The following DPH6 variants were observed in gnomAD, a reference collection of about 807,000 sequenced individuals.
The protein encoded by DPH6 is diphthine--ammonia ligase.
Under a neutral mutation model 38.2 loss-of-function variants are expected in DPH6, and 33 were observed. That is an observed-to-expected ratio of 0.86 (90% CI 0.65 to 1.15). The LOEUF is 1.15. DPH6 is among the 50% of genes most tolerant of loss of function. DPH6 has a pLI of 0.00. For synonymous variants in DPH6, 108 were observed against 103.0 expected (o/e 1.05, Z -0.30); for missense variants, 325 against 320.0 (o/e 1.02, Z -0.12).
chr15:35,270,262 A>C (rs1197008112), intron 3 of DPH6, among the ~76,000 whole-genome samples: 3 of 152,254 alleles, frequency 2.0e-5, no homozygotes, highest in Non-Finnish European at 4.4e-5. Context: ...ATAAAAGATT[A>C]CTTGCTATAG....
chr15:35,513,673 A>G (rs925580799), intron 3 of DPH6, among the ~76,000 whole-genome samples: 1 of 152,012 alleles, frequency 6.6e-6, no homozygotes, highest in Non-Finnish European at 1.5e-5. Context: ...GAAACTGGTT[A>G]CTTTATCAAA....
intron 3 of DPH6, among the ~76,000 whole-genome samples, chr15:35,312,646 C>G (rs929435602): frequency 3.0e-4 from 45 of 152,130 alleles, no homozygotes; most frequent in African/African-American, 1.1e-3. Flanking sequence ...CAAAACAGGA[C>G]AGGAGGGGAA....
At chr15:35,458,899 C>A (rs191154627) in intron 3 of DPH6, among the ~76,000 whole-genome samples, 12 of 152,284 alleles carry the variant, frequency 7.9e-5, no homozygotes. Context: ...TTCAGTTATT[C>A]CCAAACAGTT....
intron 3 of DPH6, among the ~76,000 whole-genome samples, chr15:35,536,351 G>T (rs895447312): frequency 8.6e-5 from 13 of 151,876 alleles, no homozygotes; most frequent in African/African-American, 3.1e-4. Context: ...GGAAAAGAAG[G>T]AACTATTTAG....
At chr15:35,241,140 G>T (rs149474051) in intron 3 of DPH6, among the ~76,000 whole-genome samples, 2 of 142,790 alleles carry the variant, frequency 1.4e-5, no homozygotes, top group African/African-American at 2.5e-5. Flanking sequence ...ACTGGAAATC[G>T]CACTGTCCAA....
intron 3 of DPH6, among the ~76,000 whole-genome samples, chr15:35,492,899 G>GA (rs1337345999): frequency 6.6e-6 from 1 of 151,378 alleles, no homozygotes; most frequent in East Asian, 1.9e-4. Context: ...CAAAGGTATA[G>GA]AAAAAAAAGA....
intron 6 of DPH6, among the ~76,000 whole-genome samples, chr15:35,389,172 G>C (rs1317597392): frequency 6.6e-6 from 1 of 152,148 alleles, no homozygotes. Flanking sequence ...TCTCAATCCT[G>C]AGTTCTAGTT....
intron 3 of DPH6, among the ~76,000 whole-genome samples, chr15:35,233,235 G>A (rs922697338): frequency 3.9e-5 from 6 of 152,126 alleles, no homozygotes; most frequent in Non-Finnish European, 8.8e-5. Context: ...CTTGAACATG[G>A]GATATGGAGA....
the DPH6 span, among the ~76,000 whole-genome samples, chr15:35,171,583 T>C: frequency 6.6e-6 from 1 of 152,314 alleles, no homozygotes; most frequent in Admixed American, 6.5e-5. Context: ...ATCTTTATTC[T>C]AATATCTTTT....
chr15:35,413,180 T>C (rs2053390949), intron 5 of DPH6, among the ~76,000 whole-genome samples: 1 of 151,726 alleles, frequency 6.6e-6, no homozygotes, highest in Non-Finnish European at 1.5e-5. Flanking sequence ...TAAAGTTTCC[T>C]TGTGGTCTAG....
intron 4 of DPH6, among the ~76,000 whole-genome samples, chr15:35,451,867 A>T (rs563179523): frequency 6.6e-5 from 10 of 152,102 alleles, no homozygotes; most frequent in Non-Finnish European, 1.5e-4. Context: ...AAAATTAGCC[A>T]GGCATGGTGG....
chr15:35,460,072 T>C lies in DPH6; in HGVS notation c.313-5252A>G, dbSNP rs111883317. ...TTCTTACTGACATAGTACCATATGC[T>C]ATAGAAACTTCAACAAAACCATTGT... On this transcript the variant is annotated intron_variant, in intron 3 of 8. Transcript: ENST00000256538. Among the ~76,000 whole-genome samples the C allele has an allele frequency of 8.9e-3, 1,359 of 152,300 alleles. 21 individuals carry two copies. Among genetic ancestry groups the C allele is most frequent in the African/African-American group, 0.031 (1,300 of 41,554 alleles).
intron 3 of DPH6, among the ~76,000 whole-genome samples, chr15:35,462,383 T>G (rs900651214): frequency 1.3e-5 from 2 of 152,064 alleles, no homozygotes; most frequent in African/African-American, 4.8e-5. Flanking sequence ...TCCTTGCAGA[T>G]AGCCTTAAAG....
Position 35,317,324 on chromosome 15 carries a change from AAAAG to A in DPH6, n.200+56193_200+56196del, listed in dbSNP as rs1404953064. Among the ~76,000 whole-genome samples the A allele has an allele frequency of 4.5e-4, 68 of 151,484 alleles. 4 individuals are homozygous for A. The highest frequency in any genetic ancestry group is 9.7e-4 in the East Asian group (5 of 5,158). On this transcript the variant is annotated intron_variant and non_coding_transcript_variant, in intron 3 of 3. Transcript: ENST00000560386. Reference sequence around the variant, plus strand: ...AGGAAAGAGAGAAAGAAGGAAGGAAAAAAGAAAGAAAGAAGGAAAGAAAAAGAAA... The same window carrying A: ...AGGAAAGAGAGAAAGAAGGAAGGAAAAAAGAAAGAAGGAAAGAAAAAGAAA...
chr15:35,296,804 C>CTTTTTTTTTTTTTTTTTTTTTTTT (rs772132282), intron 3 of DPH6, among the ~76,000 whole-genome samples: 1 of 127,332 alleles, frequency 7.9e-6, no homozygotes, highest in Non-Finnish European at 1.6e-5. Context: ...GGCCTGGCTT[C>CTTTTTTTTTTTTTTTTTTTTTTTT]TTTTTTTTTT....
chr15:35,332,322 G>T (rs1243667222), intron 3 of DPH6, among the ~76,000 whole-genome samples: 4 of 151,994 alleles, frequency 2.6e-5, no homozygotes, highest in Non-Finnish European at 5.9e-5. Context: ...AGTTAAAAAA[G>T]GAGCCAATGA....
At chr15:35,224,764 T>C (rs1456398607) in intron 3 of DPH6, among the ~76,000 whole-genome samples, 1 of 152,230 alleles carries the variant, frequency 6.6e-6, no homozygotes, top group African/African-American at 2.4e-5. Context: ...TTTGCTGTTC[T>C]AATAGGTGTG....
the DPH6 span, among the ~76,000 whole-genome samples, chr15:35,148,825 C>T: frequency 6.6e-6 from 1 of 152,106 alleles, no homozygotes; most frequent in African/African-American, 2.4e-5. Context: ...TAAATGCAAG[C>T]TCCCTGCAAA....
intron 3 of DPH6, among the ~76,000 whole-genome samples, chr15:35,257,941 A>G (rs1354053924): frequency 6.6e-6 from 1 of 152,208 alleles, no homozygotes; most frequent in Non-Finnish European, 1.5e-5. Flanking sequence ...AACGTTATCA[A>G]GCGGCTACTT....
Sources: allele counts gnomAD v4.1 joint callset (sites outside exome capture counted in the v4.1 genomes callset), GRCh38; gene constraint gnomAD v4.1.1; transcripts MANE v1.5; gene names NCBI Gene and HGNC (gene_info 2026-07-23, HGNC 2026-07-21).